Variants in ID4 observed in about 807,000 individuals in gnomAD.
ID4 encodes inhibitor of DNA binding 4, also known as DNA-binding protein inhibitor ID-4.
ID4 carries 9 observed loss-of-function variants against 8.6 expected under a neutral mutation model. The observed-to-expected ratio is 1.04, with a 90% CI of 0.63 to 1.82. The LOEUF is 1.82. ID4 is among the 40% of genes most tolerant of loss of function. The probability of loss-of-function intolerance (pLI) is 0.00; values close to 1 mark genes in which losing one functional copy is unlikely to be tolerated. For missense variants in ID4, 270 were observed against 235.1 expected, an observed-to-expected ratio of 1.15 and a Z score of -0.97; for synonymous variants, 180 against 118.0, an observed-to-expected ratio of 1.53 and a Z score of -3.41.
intron 1 of ID4, 124 bp downstream of exon 1, chr6:19,838,319 C>T (rs1310005688): frequency 9.5e-6 from 10 of 1,048,708 alleles, no homozygotes; most frequent in South Asian, 2.2e-5. Context: ...CAGCCCCCTC[C>T]CCCTGCTCCT....
rs992114223 is a variant in ID4, at chr6:19,840,122, C to T, written c.*927C>T. 6.6e-6 allele frequency: 1 copy of T among 152,428 alleles called. No homozygotes were observed. Among genetic ancestry groups the T allele is most frequent in the African/African-American group, 2.4e-5 (1 of 41,394 alleles). The allele number at this position is 152,428 out of a possible 1,614,324, so 9.4% of individuals were successfully genotyped here. ...CATACATGTTGAAAATACACCTTAT[C>T]AGTTTTTAAGTACAGGGTTTTATAG... On this transcript the variant is annotated 3_prime_UTR_variant, in exon 3 of 3. Transcript: ENST00000378700.
Position 19,841,689 on chromosome 6 carries a change from GAAAC to G in ID4, c.*2498_*2501del, listed in dbSNP as rs1389420514. Among the ~76,000 whole-genome samples, 1 of 152,140 alleles carries G rather than the reference GAAAC, an allele frequency of 6.6e-6. No individual in the cohort carries two copies. The highest frequency in any genetic ancestry group is 1.9e-4 in the East Asian group (1 of 5,196). On this transcript the variant is annotated 3_prime_UTR_variant, in exon 3 of 3. Transcript: ENST00000378700. The stretch of plus-strand genomic sequence containing the variant: ...TCAAGCAGCATTTGATGTATCTAAA[GAAAC>G]AAAGTCATTGTTTATTTTTTAAAAA...
At chr6:19,838,504 TC>T in intron 1 of ID4, 79 bp from the exon 2 acceptor site, 1 of 1,587,270 alleles carries the variant, frequency 6.3e-7, no homozygotes, top group Admixed American at 1.7e-5. Flanking sequence ...CAGCCTGATT[TC>T]CGAGGACAAT....
chr6:19,838,726 T>A (rs77115435), intron 2 of ID4, 84 bp downstream of exon 2: 31,007 of 1,231,786 alleles, frequency 0.025, 541 homozygotes, highest in South Asian at 0.061. Flanking sequence ...ACCGCGGTGT[T>A]CTTTGCCCCC....
rs190878446 is a variant in ID4, at chr6:19,841,031, A to G, written c.*1836A>G. Among the ~76,000 whole-genome samples, 371 of 152,344 alleles carry G rather than the reference A, an allele frequency of 2.4e-3. 1 individual carries two copies. Among genetic ancestry groups the G allele is most frequent in the African/African-American group, 8.6e-3 (358 of 41,588 alleles). Reference sequence around the variant, plus strand: ...GTCAAATTCAGATATTTATATGAATATGAAATACCATGGTCCCTAGTAGTC... The same window carrying G: ...GTCAAATTCAGATATTTATATGAATGTGAAATACCATGGTCCCTAGTAGTC... On this transcript the variant is annotated 3_prime_UTR_variant, in exon 3 of 3. Coordinates refer to ENST00000378700, the MANE Select transcript of ID4 (RefSeq NM_001546.4).
At chr6:19,838,786 C>T (rs1160797038) in intron 2 of ID4, 144 bp downstream of exon 2, 4 of 659,124 alleles carry the variant, frequency 6.1e-6, no homozygotes, top group Non-Finnish European at 2.6e-6. Flanking sequence ...TCTCTCCCTG[C>T]CACCTAAGTA....
At chr6:19,839,095 A>T in intron 2 of ID4, 115 bp from the exon 3 acceptor site, 1 of 188,544 alleles carries the variant, frequency 5.3e-6, no homozygotes. Flanking sequence ...GTGTTGTCTG[A>T]CCTGGTGGTT....
chr6:19,838,939 C>T (rs964974841), intron 2 of ID4: 6 of 454,878 alleles, frequency 1.3e-5, no homozygotes, highest in Admixed American at 8.0e-5. Flanking sequence ...AGGGCACCCT[C>T]GTGGGCATGG....
rs1488128334 is a variant in ID4 at position 19,837,977 on chromosome 6, C to T, written c.223C>T (p.Leu75=). ...CGATATGAACGACTGCTATAGCCGC[C>T]TGCGGAGGCTGGTGCCCACCATCCC... ...QCDMNDCYSR[L]RRLVPTIPPN... is the part of the protein sequence containing the mutation. The change falls in exon 1 of 3, where the codon CTG becomes TTG. Residue 75 remains leucine (L), a synonymous_variant. Transcript: ENST00000378700. 6.9e-6 allele frequency: 11 copies of T among 1,589,838 alleles called. No homozygotes were observed. Among genetic ancestry groups the T allele is most frequent in the Middle Eastern group, 1.7e-4 (1 of 6,008 alleles).
rs1191650200 is a variant in ID4 at position 19,840,903 on chromosome 6, C to G, written c.*1708C>G. Among the ~76,000 whole-genome samples, 1 of 152,080 alleles carries G rather than the reference C, an allele frequency of 6.6e-6. No homozygotes were observed. The highest frequency in any genetic ancestry group is 1.5e-5 in the Non-Finnish European group (1 of 67,982). On this transcript the variant is annotated 3_prime_UTR_variant, in exon 3 of 3. Transcript: ENST00000378700. ...TTTAATTGGGTGCTTTGTAAATAGT[C>G]AACTGTGTGTATAACGTGGTCTGTT...
chr6:19,840,299 TTAC>T lies in ID4; in HGVS notation c.*1106_*1108del, dbSNP rs1326254802. 6.6e-6 allele frequency: 1 copy of T among 152,638 alleles called. No homozygotes were observed. Among genetic ancestry groups the T allele is most frequent in the Non-Finnish European group, 1.5e-5 (1 of 68,026 alleles). The allele number at this position is 152,638 out of a possible 1,614,324, so 9.5% of individuals were successfully genotyped here. On this transcript the variant is annotated 3_prime_UTR_variant, in exon 3 of 3. Coordinates refer to ENST00000378700, the MANE Select transcript of ID4 (RefSeq NM_001546.4). The stretch of plus-strand genomic sequence containing the variant: ...TATCAAAGTGAAAAAAAATTGCTTA[TTAC>T]TCTTCATTTTACACTAAAGCTTAAT...
In ID4 at chr6:19,837,981, G is replaced by A; in HGVS notation, c.227G>A (p.Arg76Gln). The change falls in exon 1 of 3, where the codon CGG becomes CAG. Residue 76 changes from arginine to glutamine, a missense_variant. Coordinates refer to ENST00000378700, the MANE Select transcript of ID4 (RefSeq NM_001546.4). The part of the protein sequence containing the change: ...CDMNDCYSRL[R>Q]RLVPTIPPNK... The stretch of plus-strand genomic sequence containing the variant: ...ATGAACGACTGCTATAGCCGCCTGC[G>A]GAGGCTGGTGCCCACCATCCCGCCC... 1.7e-5 allele frequency: 27 copies of A among 1,591,814 alleles called. No individual in the cohort carries two copies. The highest frequency in any genetic ancestry group is 2.1e-5 in the Non-Finnish European group (24 of 1,169,528).
rs1254050272 is a variant in ID4, at chr6:19,838,339, C to T, written c.441+144C>T. ...CCCTCCCCCTGCTCCTCCGGGCTCC[C>T]CCGGGCCGCCAGCAGCCGGCCGGGC... is the stretch of plus-strand genomic sequence containing the variant. On this transcript the variant is annotated intron_variant, in intron 1 of 2. Transcript: ENST00000378700. 3.9e-6 allele frequency: 4 copies of T among 1,021,186 alleles called. No homozygotes were observed. In the African/African-American group the frequency reaches 5.2e-5, roughly 13 times the overall value. 63.3% of individuals were successfully genotyped at this position (1,021,186 alleles called of 1,614,324 possible). A position where few individuals can be genotyped will look rare whatever the true frequency, so the allele number is the denominator to read the frequency against.
Position 19,837,897 on chromosome 6 carries a change from C to A in ID4, c.143C>A (p.Ala48Glu), listed in dbSNP as rs1235128396. The A allele has an allele frequency of 7.5e-6, 10 of 1,339,392 alleles. No individual in the cohort carries two copies. In the South Asian group the frequency reaches 2.0e-4, roughly 27 times the overall value. 83.0% of individuals were successfully genotyped at this position (1,339,392 alleles called of 1,614,324 possible). The part of the protein sequence containing the change: ...SAAAAAAAAA[A>E]RCKAAEAAAD... ...GCCGCGGCGGCGGCGGCGGCGGCAG[C>A]GCGCTGTAAGGCGGCCGAGGCGGCG... is the stretch of plus-strand genomic sequence containing the variant. The change falls in exon 1 of 3, where the codon GCG becomes GAG. Residue 48 changes from alanine to glutamate, a missense_variant. Ala to Glu is a moderately radical substitution (Grantham distance 107). Coordinates refer to ENST00000378700, the MANE Select transcript of ID4 (RefSeq NM_001546.4).
intron 1 of ID4, 147 bp downstream of exon 1, chr6:19,838,342 G>T: frequency 9.8e-7 from 1 of 1,024,754 alleles, no homozygotes; most frequent in Non-Finnish European, 1.3e-6. Context: ...GGGCTCCCCC[G>T]GGCCGCCAGC....
rs528136321 is a variant in ID4 at position 19,839,542 on chromosome 6, T to C, written c.*347T>C. On this transcript the variant is annotated 3_prime_UTR_variant, in exon 3 of 3. Coordinates refer to ENST00000378700, the MANE Select transcript of ID4 (RefSeq NM_001546.4). ...AGAAGATCAAGAGTAGATCCGACTTTAGAAGCCTACTTTGTGACCAAGGAG... is the reference window on the plus strand; with the variant it reads ...AGAAGATCAAGAGTAGATCCGACTTCAGAAGCCTACTTTGTGACCAAGGAG... The C allele has an allele frequency of 3.7e-4, 56 of 152,730 alleles. No homozygotes were observed. Among genetic ancestry groups the C allele is most frequent in the African/African-American group, 1.1e-3 (47 of 41,580 alleles). 9.5% of individuals were successfully genotyped at this position (152,730 alleles called of 1,614,324 possible). A position where few individuals can be genotyped will look rare whatever the true frequency, so the allele number is the denominator to read the frequency against.
chr6:19,837,868 C>T lies in ID4; in HGVS notation c.114C>T (p.Ser38=). 7.1e-6 allele frequency: 9 copies of T among 1,270,254 alleles called. No homozygotes were observed. Among genetic ancestry groups the T allele is most frequent in the South Asian group, 2.6e-5 (1 of 37,786 alleles). 78.7% of individuals were successfully genotyped at this position (1,270,254 alleles called of 1,614,324 possible). ...AGCACGGCCACAGCCTGGGTGGCTC[C>T]GCAGCCGCGGCGGCGGCGGCGGCGG... ...LAEHGHSLGG[S]AAAAAAAAAA... is the part of the protein sequence containing the mutation. Residue 38 remains serine, a synonymous_variant, in exon 1 of 3, where the codon TCC becomes TCT. Transcript: ENST00000378700.
Position 19,838,013 on chromosome 6 carries a change from A to G in ID4, c.259A>G (p.Lys87Glu), listed in dbSNP as rs1475582026. The change falls in exon 1 of 3, where the codon AAA becomes GAA. Residue 87 changes from lysine to glutamate, a missense_variant. This residue lies in a region of ID4 where 160 missense variants were observed against 131.5 expected (regional missense o/e 1.22). Transcript: ENST00000378700. ...GGTGCCCACCATCCCGCCCAACAAG[A>G]AAGTCAGCAAAGTGGAGATCCTGCA... ...RLVPTIPPNKKVSKVEILQHV... is the reference protein window; with the variant it reads ...RLVPTIPPNKEVSKVEILQHV... The G allele has an allele frequency of 1.9e-6, 3 of 1,604,566 alleles. No homozygotes were observed. The highest frequency in any genetic ancestry group is 1.7e-6 in the Non-Finnish European group (2 of 1,175,368).
At position 19,840,257 on chromosome 6, in the gene ID4, T is replaced by C. The variant is rs1220936240; in HGVS notation, c.*1062T>C. The stretch of plus-strand genomic sequence containing the variant: ...GAAATGCTTGGATCCTTAAGGAGTT[T>C]ACGAAATCTGCTGTTTTATCAAAGT... On this transcript the variant is annotated 3_prime_UTR_variant, in exon 3 of 3. Coordinates refer to ENST00000378700, the MANE Select transcript of ID4 (RefSeq NM_001546.4). 2.0e-5 allele frequency: 3 copies of C among 152,608 alleles called. No homozygotes were observed. Among genetic ancestry groups the C allele is most frequent in the East Asian group, 3.8e-4 (2 of 5,198 alleles). 9.5% of individuals were successfully genotyped at this position (152,608 alleles called of 1,614,324 possible).
Sources: allele counts gnomAD v4.1 joint callset (sites outside exome capture counted in the v4.1 genomes callset), GRCh38; gene constraint gnomAD v4.1.1; regional missense constraint gnomAD v4.1.1; transcripts MANE v1.5; gene names NCBI Gene and HGNC (gene_info 2026-07-23, HGNC 2026-07-21).